The following DLGAP2 variants were observed in gnomAD, a reference collection of about 807,000 sequenced individuals.
DLGAP2 encodes the protein disks large-associated protein 2.
A neutral mutation model predicts 100.3 loss-of-function variants in DLGAP2; 26 were observed. That is an observed-to-expected ratio of 0.26 (90% CI 0.19 to 0.36). The LOEUF (loss-of-function observed/expected upper bound fraction) is 0.36, where lower values mean the gene tolerates loss of function less well. Among genes scored for constraint, DLGAP2 ranks in the 10% least tolerant of loss-of-function variants. The probability of loss-of-function intolerance (pLI) is 1.00; values close to 1 mark genes in which losing one functional copy is unlikely to be tolerated. For missense variants in DLGAP2, 1,858 were observed against 1,453.2 expected, an observed-to-expected ratio of 1.28 and a Z score of -4.53; for synonymous variants, 886 against 630.1, an observed-to-expected ratio of 1.41 and a Z score of -6.08.
intron 3 of DLGAP2, among the ~76,000 whole-genome samples, chr8:1,391,020 G>T (rs948649931): frequency 1.2e-4 from 19 of 152,182 alleles, no homozygotes; most frequent in South Asian, 6.2e-4. Context: ...CCCCATGTGG[G>T]GTCATCTGGA....
At chr8:1,301,757 T>C (rs1281066114) in intron 3 of DLGAP2, 4 of 152,246 alleles carry the variant, frequency 2.6e-5, no homozygotes, top group Non-Finnish European at 5.9e-5. Context: ...TCTGGGCTTG[T>C]TCTCGCCACA....
At chr8:1,289,928 A>G (rs1014585409) in intron 3 of DLGAP2, among the ~76,000 whole-genome samples, 12 of 152,230 alleles carry the variant, frequency 7.9e-5, no homozygotes, top group African/African-American at 2.4e-4. Flanking sequence ...TTGACCATCT[A>G]TTGATACTCA....
intron 2 of DLGAP2, among the ~76,000 whole-genome samples, chr8:1,153,114 A>C (rs1796724017): frequency 6.6e-6 from 1 of 152,038 alleles, no homozygotes; most frequent in Non-Finnish European, 1.5e-5. Flanking sequence ...GCTTTGACCC[A>C]CCCTGACTTA....
chr8:1,376,756 G>T (rs1162351600), intron 3 of DLGAP2, among the ~76,000 whole-genome samples: 1 of 95,068 alleles, frequency 1.1e-5, no homozygotes, highest in Non-Finnish European at 2.2e-5. Context: ...GGCGGATGGC[G>T]GGGACAGGGC....
At position 1,064,821 on chromosome 8, in the gene DLGAP2, C is replaced by T. The variant is rs550894204; in HGVS notation, c.73+156855C>T. Among the ~76,000 whole-genome samples the T allele has an allele frequency of 9.2e-5, 14 of 152,186 alleles. 1 individual carries two copies. Among genetic ancestry groups the T allele is most frequent in the Admixed American group, 3.9e-4 (6 of 15,284 alleles). On this transcript the variant is annotated intron_variant, in intron 2 of 14. Transcript: ENST00000637795. ...GACAAATGCTTATTAGGAAGACAAG[C>T]GTGGTCCGTTTCACCCCCCTCCACC...
chr8:1,224,047 T>A (rs1798367835), intron 2 of DLGAP2, among the ~76,000 whole-genome samples: 1 of 152,208 alleles, frequency 6.6e-6, no homozygotes, highest in Non-Finnish European at 1.5e-5. Context: ...AAGCAATGAA[T>A]CAAAACGATA....
intron 3 of DLGAP2, among the ~76,000 whole-genome samples, chr8:1,485,915 T>C (rs1401214244): frequency 6.6e-6 from 1 of 152,024 alleles, no homozygotes; most frequent in African/African-American, 2.4e-5. Context: ...TCCCAGCTAC[T>C]CAGGAGGAGG....
At chr8:1,616,098 A>G (rs1797144785) in intron 6 of DLGAP2, among the ~76,000 whole-genome samples, 1 of 152,232 alleles carries the variant, frequency 6.6e-6, no homozygotes, top group South Asian at 2.1e-4. Context: ...ACAGAAAACC[A>G]CAATATCTGA....
chr8:781,897 G>A (rs1272325810), intron 1 of DLGAP2, among the ~76,000 whole-genome samples: 1 of 152,138 alleles, frequency 6.6e-6, no homozygotes, highest in Admixed American at 6.5e-5. Flanking sequence ...GCATTTAGGA[G>A]ATAGGATAAT....
intron 3 of DLGAP2, among the ~76,000 whole-genome samples, chr8:1,383,798 G>T (rs1796149038): frequency 6.6e-6 from 1 of 152,210 alleles, no homozygotes; most frequent in Non-Finnish European, 1.5e-5. Context: ...CTGGTCAGAT[G>T]ACCACCAGCA....
At chr8:1,022,210 T>C (rs1358643238) in intron 2 of DLGAP2, among the ~76,000 whole-genome samples, 1 of 151,732 alleles carries the variant, frequency 6.6e-6, no homozygotes, top group Non-Finnish European at 1.5e-5. Context: ...CCACCCTCCC[T>C]GGGAGTGGAC....
chr8:1,173,710 C>A (rs369810490), intron 2 of DLGAP2, among the ~76,000 whole-genome samples: 8 of 152,136 alleles, frequency 5.3e-5, no homozygotes, highest in Non-Finnish European at 8.8e-5. Flanking sequence ...TCTCCTGGTG[C>A]GCCATTTTTT....
intron 1 of DLGAP2, among the ~76,000 whole-genome samples, chr8:828,958 A>T (rs565025858): frequency 2.0e-5 from 3 of 152,264 alleles, no homozygotes; most frequent in South Asian, 2.1e-4. Flanking sequence ...ATTATTTTTT[A>T]TTTCTACTGG....
chr8:1,270,118 G>T (rs1478462464), intron 3 of DLGAP2, among the ~76,000 whole-genome samples: 2 of 152,082 alleles, frequency 1.3e-5, no homozygotes, highest in Non-Finnish European at 2.9e-5. Flanking sequence ...TCTCCTGCTG[G>T]CCATGGGTTG....
In DLGAP2 at chr8:1,551,964, G is replaced by A. The variant is rs186388024; in HGVS notation, c.1230+2281G>A. 4.6e-5 allele frequency among the ~76,000 whole-genome samples: 7 copies of A among 152,236 alleles called. No homozygotes were observed. The East Asian group carries it at 9.7e-4, about 21-fold the overall frequency. On this transcript the variant is annotated intron_variant, in intron 5 of 14. Coordinates refer to ENST00000637795, the MANE Select transcript of DLGAP2 (RefSeq NM_001346810.2). ...TGAGCCTCTTCATCTCGTTCAGCCC[G>A]AGGTTTCTCCTCTCTTTCCTCTCTT...
chr8:1,577,880 G>T (rs112916531), intron 6 of DLGAP2, among the ~76,000 whole-genome samples: 1 of 152,152 alleles, frequency 6.6e-6, no homozygotes, highest in Non-Finnish European at 1.5e-5. Flanking sequence ...CCTGAGCCCC[G>T]CCCGGTGCCT....
chr8:1,012,947 A>G (rs921639164), intron 2 of DLGAP2, among the ~76,000 whole-genome samples: 1 of 152,104 alleles, frequency 6.6e-6, no homozygotes, highest in Admixed American at 6.5e-5. Context: ...CTCTCTGCAA[A>G]CAGAGGGGGT....
At chr8:1,058,883 C>G (rs1452632054) in intron 2 of DLGAP2, among the ~76,000 whole-genome samples, 3 of 152,190 alleles carry the variant, frequency 2.0e-5, no homozygotes, top group African/African-American at 4.8e-5. Context: ...CCTTGATGGC[C>G]ACACCCACCT....
intron 1 of DLGAP2, among the ~76,000 whole-genome samples, chr8:792,412 T>C (rs532121873): frequency 1.4e-3 from 213 of 152,362 alleles, no homozygotes; most frequent in South Asian, 6.0e-3. Context: ...TTAGGACTTA[T>C]AGCACAGTGC....
Sources: allele counts gnomAD v4.1 joint callset (sites outside exome capture counted in the v4.1 genomes callset), GRCh38; gene constraint gnomAD v4.1.1; transcripts MANE v1.5; gene names NCBI Gene and HGNC (gene_info 2026-07-23, HGNC 2026-07-21).